The following APBA3 variants were observed in gnomAD, a reference collection of about 807,000 sequenced individuals.
APBA3 encodes amyloid beta precursor protein binding family A member 3, also known as amyloid-beta A4 precursor protein-binding family A member 3.
APBA3 carries 45 observed loss-of-function variants against 55.9 expected under a neutral mutation model. The observed-to-expected ratio is 0.80, with a 90% CI of 0.63 to 1.03. The LOEUF (loss-of-function observed/expected upper bound fraction) is 1.03, where lower values mean the gene tolerates loss of function less well. Among genes scored for constraint, APBA3 ranks in the 50% least tolerant of loss-of-function variants. The probability of loss-of-function intolerance (pLI) is 0.00; values close to 1 mark genes in which losing one functional copy is unlikely to be tolerated. For missense variants in APBA3, 865 were observed against 820.3 expected (o/e 1.05, Z -0.67); for synonymous variants, 370 against 353.3 (o/e 1.05, Z -0.53).
chr19:3,756,255 G>A (rs1447682088), intron 3 of APBA3: 1 of 152,086 alleles, frequency 6.6e-6, no homozygotes, highest in Non-Finnish European at 1.5e-5. Flanking sequence ...GAGGCGGGCG[G>A]ATCACCTGAG....
intron 8 of APBA3, chr19:3,752,014 A>C (rs1262408727): frequency 5.1e-6 from 1 of 194,728 alleles, no homozygotes; most frequent in Non-Finnish European, 1.0e-5. Context: ...GCTCAAGACC[A>C]GCCTGGCCAA....
At chr19:3,760,381 C>T (rs1207566327) in intron 1 of APBA3, 80 bp from the exon 2 acceptor site, 2 of 920,860 alleles carry the variant, frequency 2.2e-6, no homozygotes, top group Admixed American at 3.0e-5. Context: ...TTGGGAGGCC[C>T]AGAAGGGCTG....
intron 3 of APBA3, among the ~76,000 whole-genome samples, chr19:3,757,158 G>A (rs2037087512): frequency 6.6e-6 from 1 of 151,948 alleles, no homozygotes; most frequent in Admixed American, 6.5e-5. Flanking sequence ...TGTCACCCAG[G>A]CTGGAGTGCA....
intron 3 of APBA3, among the ~76,000 whole-genome samples, chr19:3,757,052 T>C (rs16992030): frequency 0.012 from 1,795 of 152,190 alleles, 37 homozygotes; most frequent in African/African-American, 0.041. Context: ...TCTGCTCGAT[T>C]CTAGAACCTT....
At position 3,759,922 on chromosome 19, in the gene APBA3, G is replaced by A; in HGVS notation, c.343C>T (p.Leu115Phe). ...AEAGRDDLLG[L>F]LHCEECPPSQ... ...GGCGGGCATTCCTCGCAGTGCAAGA[G>A]GCCCAGCAGGTCATCCCGGCCAGCT... The change falls in exon 2 of 11, where the codon CTC (leucine) becomes TTC (phenylalanine). Residue 115 changes from leucine (L) to phenylalanine (F), a missense_variant. Coordinates refer to ENST00000316757, the MANE Select transcript of APBA3 (RefSeq NM_004886.4). 1.2e-6 allele frequency: 2 copies of A among 1,611,136 alleles called. No individual in the cohort carries two copies. Among genetic ancestry groups the A allele is most frequent in the Non-Finnish European group, 1.7e-6 (2 of 1,179,338 alleles).
intron 3 of APBA3, among the ~76,000 whole-genome samples, chr19:3,757,309 G>A (rs576168063): frequency 7.9e-5 from 12 of 152,046 alleles, no homozygotes; most frequent in Admixed American, 2.6e-4. Context: ...GTTTTGCTGT[G>A]TGGCCCAGGC....
intron 8 of APBA3, among the ~76,000 whole-genome samples, chr19:3,752,196 TGA>T (rs1449151857): frequency 9.9e-5 from 15 of 151,774 alleles, no homozygotes; most frequent in African/African-American, 3.4e-4. Flanking sequence ...TGGGCAAGAG[TGA>T]GACCTTGTCT....
At position 3,753,894 on chromosome 19, in the gene APBA3, G is replaced by A. The variant is rs374545158; in HGVS notation, c.882C>T (p.Ile294=). The stretch of plus-strand genomic sequence containing the variant: ...CGCAGCCGATGTCGGCTGTGTAGGA[G>A]ATGGTATGCAGGGCGTGGTCCATCA... ...EAMMDHALHT[I]SYTADIGCVL... is the part of the protein sequence containing the mutation. The change falls in exon 6 of 11, where the codon ATC becomes ATT. Residue 294 remains isoleucine (I), a synonymous_variant. Coordinates refer to ENST00000316757, the MANE Select transcript of APBA3 (RefSeq NM_004886.4). 6,263 of 1,558,720 alleles carry A rather than the reference G, an allele frequency of 4.0e-3. 29 individuals carry two copies. The highest frequency in any genetic ancestry group is 4.4e-3 in the Non-Finnish European group (5,096 of 1,151,094).
intron 1 of APBA3, among the ~76,000 whole-genome samples, chr19:3,760,795 C>T (rs1568396571): frequency 6.6e-6 from 1 of 150,604 alleles, no homozygotes; most frequent in African/African-American, 2.4e-5. Flanking sequence ...GGCTGTAGTC[C>T]CAGCTACTTG....
rs2145726921 is a variant in APBA3 at position 3,760,085 on chromosome 19, CAGCTCCTGAAGGCTTGACTCATCA to C, written c.156_179del (p.Asp53_Leu60del). On this transcript the variant is annotated inframe_deletion, in exon 2 of 11. Coordinates refer to ENST00000316757, the MANE Select transcript of APBA3 (RefSeq NM_004886.4). ...CTGGCAGAGCTTCAAACTGCTGCACCAGCTCCTGAAGGCTTGACTCATCAAGTTCCATCCGACTGAGGCTGCCGG... is the reference window on the plus strand; with the variant it reads ...CTGGCAGAGCTTCAAACTGCTGCACCAGTTCCATCCGACTGAGGCTGCCGG... 3 of 1,613,410 alleles carry C rather than the reference CAGCTCCTGAAGGCTTGACTCATCA, an allele frequency of 1.9e-6. No homozygotes were observed. The Admixed American group carries it at 5.0e-5, about 27-fold the overall frequency.
Position 3,753,786 on chromosome 19 carries a change from G to C in APBA3, c.990C>G (p.Cys330Trp). Reference sequence around the variant, plus strand: ...TCACGTCCTCCGCGTAGAATACGTGGCAGAGCATCTTGTAGAGGCGGCGGC... The same window carrying C: ...TCACGTCCTCCGCGTAGAATACGTGCCAGAGCATCTTGTAGAGGCGGCGGC... Reference protein sequence around the residue: ...DHGRRLYKMLCHVFYAEDAQL... With the variant: ...DHGRRLYKMLWHVFYAEDAQL... Residue 330 changes from cysteine to tryptophan, a missense_variant, in exon 6 of 11, where the codon TGC becomes TGG. Physicochemically the swap from Cys to Trp is radical, Grantham distance 215 (BLOSUM62 -2). Coordinates refer to ENST00000316757, the MANE Select transcript of APBA3 (RefSeq NM_004886.4). 1 of 1,564,618 alleles carries C rather than the reference G, an allele frequency of 6.4e-7. No homozygotes were observed.
intron 3 of APBA3, chr19:3,754,640 T>G: frequency 1.7e-5 from 6 of 350,440 alleles, no homozygotes; most frequent in East Asian, 6.3e-5. Context: ...GTCCCCAGAA[T>G]TCCATGATCA....
chr19:3,755,792 T>A (rs2037073281), intron 3 of APBA3: 1 of 145,630 alleles, frequency 6.9e-6, no homozygotes, highest in African/African-American at 2.5e-5. Flanking sequence ...AGAGCAAGAT[T>A]CCATCTCCAA....
In APBA3 at chr19:3,752,033, G is replaced by A. The variant is rs536680419; in HGVS notation, c.1395+475C>T. The A allele has an allele frequency of 1.7e-4, 34 of 200,286 alleles. No homozygotes were observed. In the South Asian group the frequency reaches 2.8e-3, roughly 17 times the overall value. 12.4% of individuals were successfully genotyped at this position (200,286 alleles called of 1,614,324 possible). A position where few individuals can be genotyped will look rare whatever the true frequency, so the allele number is the denominator to read the frequency against. On this transcript the variant is annotated intron_variant, in intron 8 of 10. Coordinates refer to ENST00000316757, the MANE Select transcript of APBA3 (RefSeq NM_004886.4). ...AAGACCAGCCTGGCCAACCAACATA[G>A]TGAGACTCCATCTCTACAAAAAATA...
At position 3,760,068 on chromosome 19, in the gene APBA3, G is replaced by A; in HGVS notation, c.197C>T (p.Ala66Val). Residue 66 changes from alanine to valine, a missense_variant, in exon 2 of 11, where the codon GCT becomes GTT. Coordinates refer to ENST00000316757, the MANE Select transcript of APBA3 (RefSeq NM_004886.4). ...TGGGCCCACCAGATCGCCTGGCAGA[G>A]CTTCAAACTGCTGCACCAGCTCCTG... ...SLQELVQQFE[A>V]LPGDLVGPSP... 2 of 1,613,354 alleles carry A rather than the reference G, an allele frequency of 1.2e-6. No individual in the cohort carries two copies. The highest frequency in any genetic ancestry group is 8.5e-7 in the Non-Finnish European group (1 of 1,180,020).
At position 3,751,571 on chromosome 19, in the gene APBA3, T is replaced by G. The variant is rs754383819; in HGVS notation, c.1396-18A>C. ...TTCGTCTCCTGTGGGGCGGGGGCCG[T>G]TGGCCTCACTCAGCTGCCGGACAGC... On this transcript the variant is annotated intron_variant, in intron 8 of 10. Transcript: ENST00000316757. 2 of 1,574,328 alleles carry G rather than the reference T, an allele frequency of 1.3e-6. No individual in the cohort carries two copies. The highest frequency in any genetic ancestry group is 1.7e-6 in the Non-Finnish European group (2 of 1,166,224).
intron 4 of APBA3, 34 bp from the exon 5 acceptor site, chr19:3,754,139 A>C: frequency 6.4e-7 from 1 of 1,563,052 alleles, no homozygotes; most frequent in South Asian, 1.2e-5. Flanking sequence ...GGAGGCCCCC[A>C]CAGACCCAGC....
Position 3,757,563 on chromosome 19 carries a change from C to G in APBA3, c.616+1998G>C, listed in dbSNP as rs139721279. Among the ~76,000 whole-genome samples, 515 of 152,250 alleles carry G rather than the reference C, an allele frequency of 3.4e-3. 4 individuals are homozygous for G. The highest frequency in any genetic ancestry group is 0.012 in the African/African-American group (478 of 41,558). Reference sequence around the variant, plus strand: ...CCTGACCAAGACGGTGAAACGCCGTCTCTACTAAAAATATAAAAATTAGCT... The same window carrying G: ...CCTGACCAAGACGGTGAAACGCCGTGTCTACTAAAAATATAAAAATTAGCT... On this transcript the variant is annotated intron_variant, in intron 3 of 10. Coordinates refer to ENST00000316757, the MANE Select transcript of APBA3 (RefSeq NM_004886.4).
rs377304504 is a variant in APBA3, at chr19:3,754,355, G to A, written c.617-15C>T. 519 of 1,552,786 alleles carry A rather than the reference G, an allele frequency of 3.3e-4. 5 individuals are homozygous for A. The South Asian group carries it at 5.0e-3, about 15-fold the overall frequency. ...GGGACCAGGCACTGAGGGCGACAGC[G>A]AAGAGGGTCGGCCCCCAGGGGCCCA... On this transcript the variant is annotated splice_polypyrimidine_tract_variant and intron_variant, in intron 3 of 10. Transcript: ENST00000316757.
Sources: allele counts gnomAD v4.1 joint callset (sites outside exome capture counted in the v4.1 genomes callset), GRCh38; gene constraint gnomAD v4.1.1; transcripts MANE v1.5; gene names NCBI Gene and HGNC (gene_info 2026-07-23, HGNC 2026-07-21).